Variants in ATRNL1 observed in about 807,000 individuals in gnomAD.
ATRNL1 encodes the protein attractin-like protein 1.
ATRNL1 carries 95 observed loss-of-function variants against 182.7 expected under a neutral mutation model. The ratio of observed to expected loss-of-function variants is 0.52; its 90% CI spans 0.44 to 0.62. The LOEUF is 0.62. ATRNL1 is among the 20% of genes least tolerant of loss of function. ATRNL1 has a pLI of 0.00. For missense variants in ATRNL1, 1,471 were observed against 1,679.5 expected (o/e 0.88, Z 2.17); for synonymous variants, 576 against 568.3 (o/e 1.01, Z -0.19).
intron 20 of ATRNL1, among the ~76,000 whole-genome samples, chr10:115,423,546 GAACA>G (rs544973660): frequency 7.6e-4 from 116 of 151,828 alleles, no homozygotes; most frequent in Non-Finnish European, 1.4e-3. Context: ...ACAAGCAAAT[GAACA>G]AACAAACAAA....
chr10:115,161,801 T>C (rs1027380139), intron 6 of ATRNL1, among the ~76,000 whole-genome samples: 1 of 152,096 alleles, frequency 6.6e-6, no homozygotes, highest in Non-Finnish European at 1.5e-5. Context: ...GAGAATACTT[T>C]TCATCATTCT....
At chr10:115,449,103 C>T (rs1311585094) in intron 21 of ATRNL1, among the ~76,000 whole-genome samples, 3 of 152,140 alleles carry the variant, frequency 2.0e-5, no homozygotes, top group Admixed American at 2.0e-4. Context: ...GGAACAGTAG[C>T]CCAAAGGGAG....
chr10:115,401,790 G>C (rs992606886), intron 20 of ATRNL1, among the ~76,000 whole-genome samples: 1 of 152,034 alleles, frequency 6.6e-6, no homozygotes, highest in Non-Finnish European at 1.5e-5. Flanking sequence ...CATTATCAGA[G>C]TCCCCTGTTT....
chr10:115,361,423 G>A (rs1445626803), intron 19 of ATRNL1, among the ~76,000 whole-genome samples: 2 of 151,958 alleles, frequency 1.3e-5, no homozygotes, highest in Non-Finnish European at 2.9e-5. Flanking sequence ...TTATCAAGCA[G>A]CTTTGGTACT....
intron 10 of ATRNL1, among the ~76,000 whole-genome samples, chr10:115,259,525 G>A (rs1592339340): frequency 6.6e-6 from 1 of 152,188 alleles, no homozygotes; most frequent in African/African-American, 2.4e-5. Context: ...GTCTGTCACA[G>A]CTTCCCTTGG....
intron 25 of ATRNL1, among the ~76,000 whole-genome samples, chr10:115,527,337 T>G (rs1237359071): frequency 6.6e-6 from 1 of 152,010 alleles, no homozygotes; most frequent in East Asian, 1.9e-4. Context: ...CCCAGGCTGG[T>G]CTCAGGCTCC....
At chr10:115,496,108 T>C (rs758936694) in intron 24 of ATRNL1, among the ~76,000 whole-genome samples, 25 of 152,164 alleles carry the variant, frequency 1.6e-4, no homozygotes, top group Non-Finnish European at 3.2e-4. Context: ...ACTGGCTTAG[T>C]GTTTGTTTTG....
chr10:115,198,504 T>A (rs1848441818), intron 8 of ATRNL1, among the ~76,000 whole-genome samples: 2 of 152,190 alleles, frequency 1.3e-5, no homozygotes, highest in Non-Finnish European at 2.9e-5. Flanking sequence ...ATGCAGAAGC[T>A]TGTTTGATGT....
At chr10:115,930,320 T>C (rs1191522693) in intron 28 of ATRNL1, among the ~76,000 whole-genome samples, 2 of 152,274 alleles carry the variant, frequency 1.3e-5, no homozygotes, top group East Asian at 3.9e-4. Flanking sequence ...ATACAGACCA[T>C]GCTCAGAGTT....
chr10:115,461,792 G>T, intron 21 of ATRNL1, 149 bp from the exon 22 acceptor site: 1 of 421,348 alleles, frequency 2.4e-6, no homozygotes, highest in Non-Finnish European at 4.2e-6. Flanking sequence ...TGAGGACAAA[G>T]ATTTGTATTT....
chr10:115,455,728 T>G (rs1484174012), intron 21 of ATRNL1, among the ~76,000 whole-genome samples: 3 of 152,052 alleles, frequency 2.0e-5, no homozygotes, highest in African/African-American at 7.2e-5. Context: ...ATTTTTGCAA[T>G]CTATCCATCT....
intron 26 of ATRNL1, among the ~76,000 whole-genome samples, chr10:115,581,812 T>A (rs949436658): frequency 1.3e-5 from 2 of 151,516 alleles, no homozygotes; most frequent in Non-Finnish European, 2.9e-5. Flanking sequence ...GTTACATATG[T>A]ATACATGTGC....
intron 10 of ATRNL1, among the ~76,000 whole-genome samples, chr10:115,249,685 A>G (rs1378110299): frequency 6.6e-6 from 1 of 152,120 alleles, no homozygotes; most frequent in Non-Finnish European, 1.5e-5. Flanking sequence ...TTAAGCCTGT[A>G]TTCCAGAGAG....
intron 28 of ATRNL1, among the ~76,000 whole-genome samples, chr10:115,906,227 C>A (rs1259835807): frequency 1.3e-5 from 2 of 152,084 alleles, no homozygotes; most frequent in Non-Finnish European, 2.9e-5. Context: ...ATTTAACATG[C>A]ATGATTTTGT....
intron 1 of ATRNL1, among the ~76,000 whole-genome samples, chr10:115,109,190 C>T (rs567921079): frequency 6.6e-6 from 1 of 152,014 alleles, no homozygotes; most frequent in Non-Finnish European, 1.5e-5. Context: ...CCAGCCTCTA[C>T]TTATTGCTGA....
At chr10:115,206,608 T>G (rs1199952648) in intron 8 of ATRNL1, among the ~76,000 whole-genome samples, 1 of 152,178 alleles carries the variant, frequency 6.6e-6, no homozygotes. Flanking sequence ...ATAAAAATGA[T>G]AGATGATTTA....
At chr10:115,550,537 C>T (rs1374920407) in intron 26 of ATRNL1, among the ~76,000 whole-genome samples, 1 of 151,826 alleles carries the variant, frequency 6.6e-6, no homozygotes, top group Non-Finnish European at 1.5e-5. Context: ...TGGAGTCCCT[C>T]CCTGTCTTCA....
At chr10:115,838,180 G>T (rs1555096074) in intron 27 of ATRNL1, among the ~76,000 whole-genome samples, 1 of 152,064 alleles carries the variant, frequency 6.6e-6, no homozygotes, top group African/African-American at 2.4e-5. Context: ...AGTCATTTGG[G>T]TCTGCTGAAG....
intron 28 of ATRNL1, among the ~76,000 whole-genome samples, chr10:115,868,967 G>C (rs974756915): frequency 5.9e-4 from 89 of 151,428 alleles, no homozygotes; most frequent in African/African-American, 1.4e-3. Context: ...GTAGCTGGGA[G>C]TACAGGCGCC....
Sources: allele counts gnomAD v4.1 joint callset (sites outside exome capture counted in the v4.1 genomes callset), GRCh38; gene constraint gnomAD v4.1.1; transcripts MANE v1.5; gene names NCBI Gene and HGNC (gene_info 2026-07-23, HGNC 2026-07-21).